The following ITGAL variants were observed in gnomAD, a reference collection of about 807,000 sequenced individuals.
ITGAL encodes the protein integrin subunit alpha L.
A neutral mutation model predicts 138.4 loss-of-function variants in ITGAL; 68 were observed. The observed-to-expected ratio is 0.49, with a 90% CI of 0.40 to 0.60. The LOEUF is 0.60. Among genes scored for constraint, ITGAL ranks in the 20% least tolerant of loss-of-function variants. ITGAL has a pLI of 0.00. For synonymous variants in ITGAL, 561 were observed against 584.3 expected (o/e 0.96, Z 0.57); for missense variants, 1,256 against 1,478.6 (o/e 0.85, Z 2.47).
chr16:30,514,422 A>G (rs2051136922), intron 25 of ITGAL, among the ~76,000 whole-genome samples: 2 of 152,012 alleles, frequency 1.3e-5, no homozygotes. Context: ...GATTACAGGC[A>G]TGTGCCACCA....
rs542748014 is a variant in ITGAL, at chr16:30,478,342, AAG to A, written c.328-747_328-746del. Among the ~76,000 whole-genome samples the A allele has an allele frequency of 1.2e-3, 184 of 151,078 alleles. 1 individual carries two copies. Among genetic ancestry groups the A allele is most frequent in the African/African-American group, 4.0e-3 (165 of 41,174 alleles). On this transcript the variant is annotated intron_variant, in intron 4 of 30. Coordinates refer to ENST00000356798, the MANE Select transcript of ITGAL (RefSeq NM_002209.3). ...AAGCGAGACTCCGTCAAAAAAAAAA[AAG>A]AAAGAAAGAAAAAGAAAGAAAGTGG...
chr16:30,484,406 T>G (rs917882276), intron 9 of ITGAL, 143 bp downstream of exon 9: 1 of 724,714 alleles, frequency 1.4e-6, no homozygotes, highest in Non-Finnish European at 2.2e-6. Flanking sequence ...CTCAGGAGTT[T>G]GAGACCAGCC....
intron 15 of ITGAL, among the ~76,000 whole-genome samples, chr16:30,496,911 C>T (rs34903247): frequency 0.015 from 2,348 of 151,872 alleles, 58 homozygotes; most frequent in African/African-American, 0.052. Flanking sequence ...TCCCAGAGTG[C>T]TGGAGTTACA....
intron 9 of ITGAL, among the ~76,000 whole-genome samples, chr16:30,487,073 G>A (rs891686341): frequency 2.0e-5 from 3 of 151,148 alleles, no homozygotes; most frequent in African/African-American, 7.3e-5. Flanking sequence ...AATCCTGGAG[G>A]TGGAGTTCAC....
chr16:30,490,749 C>T (rs1246512791), intron 11 of ITGAL, among the ~76,000 whole-genome samples: 1 of 152,088 alleles, frequency 6.6e-6, no homozygotes, highest in Non-Finnish European at 1.5e-5. Flanking sequence ...TCCAAGAGCA[C>T]CTGAGGTCAA....
chr16:30,496,249 C>T lies in ITGAL; in HGVS notation c.1656C>T (p.Tyr552=), dbSNP rs2050797740. Residue 552 remains tyrosine, a synonymous_variant, in exon 14 of 31, where the codon TAC becomes TAT. Transcript: ENST00000356798. ...CTCTGGAGGAGCAGGGGGCTGTGTA[C>T]ATCTTCAATGGGAGGCACGGGGGGC... is the stretch of plus-strand genomic sequence containing the variant. The part of the protein sequence containing the change: ...GAPLEEQGAV[Y]IFNGRHGGLS... 1 of 1,606,942 alleles carries T rather than the reference C, an allele frequency of 6.2e-7. No homozygotes were observed. The highest frequency in any genetic ancestry group is 8.5e-7 in the Non-Finnish European group (1 of 1,176,206).
At chr16:30,488,702 C>CAA (rs34533619) in intron 9 of ITGAL, among the ~76,000 whole-genome samples, 1,501 of 56,972 alleles carry the variant, frequency 0.026, 49 homozygotes, top group Middle Eastern at 0.045. Context: ...GACTCCATCT[C>CAA]AAAAAAAAAA....
intron 6 of ITGAL, among the ~76,000 whole-genome samples, chr16:30,480,293 C>T (rs558859964): frequency 2.0e-5 from 3 of 152,256 alleles, no homozygotes; most frequent in Non-Finnish European, 1.5e-5. Flanking sequence ...TCTCAGTCTC[C>T]GTAGACTGGC....
intron 24 of ITGAL, among the ~76,000 whole-genome samples, chr16:30,512,536 G>A (rs971499181): frequency 6.0e-5 from 9 of 149,828 alleles, no homozygotes; most frequent in Non-Finnish European, 1.2e-4. Context: ...GCAGTGAGCC[G>A]AGATCATGCC....
At chr16:30,481,348 A>G in intron 6 of ITGAL, 91 bp from the exon 7 acceptor site, 1 of 273,934 alleles carries the variant, frequency 3.7e-6, no homozygotes, top group Non-Finnish European at 5.7e-6. Flanking sequence ...CTCCATCTAA[A>G]AAAAAAAAAA....
intron 21 of ITGAL, 51 bp downstream of exon 21, chr16:30,506,907 C>T: frequency 6.2e-7 from 1 of 1,600,432 alleles, no homozygotes; most frequent in Non-Finnish European, 8.5e-7. Context: ...GCAGACACTG[C>T]CCCCTTCTTT....
chr16:30,498,241 C>G (rs1430248104), intron 15 of ITGAL, among the ~76,000 whole-genome samples: 1 of 145,094 alleles, frequency 6.9e-6, no homozygotes, highest in African/African-American at 2.6e-5. Context: ...AGGAGAATTG[C>G]TTGAGCCCAA....
At chr16:30,493,229 TCTGA>T (rs1172984665) in intron 11 of ITGAL, among the ~76,000 whole-genome samples, 1 of 132,528 alleles carries the variant, frequency 7.5e-6, no homozygotes, top group Admixed American at 7.5e-5. Context: ...TTTGCATTCT[TCTGA>T]CTAATATATA....
intron 17 of ITGAL, among the ~76,000 whole-genome samples, chr16:30,501,135 C>T (rs967116498): frequency 6.6e-6 from 1 of 152,064 alleles, no homozygotes; most frequent in East Asian, 1.9e-4. Context: ...CATGAGCCAC[C>T]GTGCCCAGCA....
At chr16:30,516,655 C>T (rs1017601921) in intron 25 of ITGAL, among the ~76,000 whole-genome samples, 2 of 152,178 alleles carry the variant, frequency 1.3e-5, no homozygotes, top group Non-Finnish European at 2.9e-5. Context: ...ACGCAGAGCA[C>T]ACTGTGGGAG....
chr16:30,496,942 G>A (rs1293352951), intron 15 of ITGAL, among the ~76,000 whole-genome samples: 1 of 151,966 alleles, frequency 6.6e-6, no homozygotes, highest in African/African-American at 2.4e-5. Flanking sequence ...ACTATGCATG[G>A]CCTAATTTTT....
chr16:30,498,453 T>G (rs1367907114), intron 15 of ITGAL, among the ~76,000 whole-genome samples: 1 of 151,962 alleles, frequency 6.6e-6, no homozygotes, highest in African/African-American at 2.4e-5. Flanking sequence ...GCAACTTTAT[T>G]ATGAAGCATA....
intron 2 of ITGAL, 35 bp downstream of exon 2, chr16:30,474,333 C>T (rs762886072): frequency 1.4e-6 from 2 of 1,477,324 alleles, no homozygotes; most frequent in Admixed American, 3.8e-5. Context: ...CTCCTGATGC[C>T]CGCCCTGGGG....
At chr16:30,482,412 A>G (rs8060136) in intron 7 of ITGAL, among the ~76,000 whole-genome samples, 137,201 of 152,178 alleles carry the variant, frequency 0.9, 61,976 homozygotes, top group East Asian at 1. Context: ...TGACTTGGAG[A>G]CCATAGTGAG....
Sources: gnomAD v4.1 joint callset for allele counts (sites outside exome capture counted in the v4.1 genomes callset) on GRCh38, gnomAD v4.1.1 for gene constraint, MANE v1.5 for transcripts, NCBI Gene and HGNC (gene_info 2026-07-23, HGNC 2026-07-21) for gene names.